SLC25A48: variants seen among roughly 807,000 people sequenced by gnomAD.
SLC25A48 encodes the protein solute carrier family 25 member 48.
Under a neutral mutation model 32.2 loss-of-function variants are expected in SLC25A48, and 29 were observed. The ratio of observed to expected loss-of-function variants is 0.90; its 90% CI spans 0.67 to 1.23. The LOEUF (loss-of-function observed/expected upper bound fraction) is 1.23, where lower values mean the gene tolerates loss of function less well. Among genes scored for constraint, SLC25A48 ranks in the 50% most tolerant of loss-of-function variants. SLC25A48 has a pLI of 0.00. For synonymous variants in SLC25A48, 164 were observed against 172.3 expected (o/e 0.95, Z 0.38); for missense variants, 399 against 422.7 (o/e 0.94, Z 0.49).
chr5:135,716,760 G>A (rs1260327247), intron 3 of SLC25A48, among the ~76,000 whole-genome samples: 3 of 152,198 alleles, frequency 2.0e-5, no homozygotes, highest in South Asian at 2.1e-4. Context: ...TACAAACATA[G>A]GATTTGGGTT....
At chr5:135,603,137 T>TCCAGC (rs1561753924) in intron 1 of SLC25A48, among the ~76,000 whole-genome samples, 1 of 152,190 alleles carries the variant, frequency 6.6e-6, no homozygotes, top group African/African-American at 2.4e-5. Context: ...CTCCCAAGCC[T>TCCAGC]CCAGCCCAGG....
chr5:135,751,199 T>G (rs1404654564), intron 3 of SLC25A48, among the ~76,000 whole-genome samples: 1 of 152,198 alleles, frequency 6.6e-6, no homozygotes. Context: ...TGACACTCCG[T>G]GCCTTCCAGC....
intron 4 of SLC25A48, among the ~76,000 whole-genome samples, chr5:135,869,838 CTG>C (rs1406558988): frequency 6.6e-6 from 1 of 152,158 alleles, no homozygotes; most frequent in African/African-American, 2.4e-5. Flanking sequence ...ATGGGATCCA[CTG>C]TGGAAGAAGT....
chr5:135,674,330 A>G (rs181646356), intron 3 of SLC25A48, among the ~76,000 whole-genome samples: 8 of 152,046 alleles, frequency 5.3e-5, no homozygotes, highest in African/African-American at 1.9e-4. Context: ...TATTTTGTTA[A>G]CTATAGTTAC....
chr5:135,684,878 A>G (rs1753981063), intron 3 of SLC25A48, among the ~76,000 whole-genome samples: 1 of 152,128 alleles, frequency 6.6e-6, no homozygotes, highest in Admixed American at 6.5e-5. Flanking sequence ...CTCTTTTGCA[A>G]TTATATCCTG....
intron 3 of SLC25A48, among the ~76,000 whole-genome samples, chr5:135,718,535 T>C (rs1034255059): frequency 6.6e-6 from 1 of 152,212 alleles, no homozygotes; most frequent in African/African-American, 2.4e-5. Flanking sequence ...ATGAGAATTA[T>C]AGAAGAATTT....
At chr5:135,736,614 T>G (rs1222391034) in intron 3 of SLC25A48, among the ~76,000 whole-genome samples, 1 of 151,876 alleles carries the variant, frequency 6.6e-6, no homozygotes, top group African/African-American at 2.4e-5. Context: ...GGGGGGTGCT[T>G]GCCCCCAGAA....
rs373931619 is a variant in SLC25A48 at position 135,613,577 on chromosome 5, T to C, written c.-848-15660T>C. ...AGTTTCAGGTCTATATTTAAGTCTTTACTTAATCTTGAGTTGATTTTTGTA... is the reference window on the plus strand; with the variant it reads ...AGTTTCAGGTCTATATTTAAGTCTTCACTTAATCTTGAGTTGATTTTTGTA... On this transcript the variant is annotated intron_variant, in intron 1 of 10. Transcript: ENST00000646290. Among the ~76,000 whole-genome samples the C allele has an allele frequency of 4.8e-4, 73 of 152,338 alleles. 1 individual carries two copies. Among genetic ancestry groups the C allele is most frequent in the Middle Eastern group, 6.8e-3 (2 of 294 alleles).
At chr5:135,716,532 C>T (rs1037983261) in intron 3 of SLC25A48, among the ~76,000 whole-genome samples, 2 of 152,174 alleles carry the variant, frequency 1.3e-5, no homozygotes, top group African/African-American at 4.8e-5. Flanking sequence ...CGGATCATTT[C>T]CTGCACCTTA....
At chr5:135,810,691 A>T (rs1404542914) in intron 3 of SLC25A48, among the ~76,000 whole-genome samples, 1 of 152,168 alleles carries the variant, frequency 6.6e-6, no homozygotes, top group Non-Finnish European at 1.5e-5. Context: ...TTTATATTGC[A>T]AGTCCCTGTG....
At chr5:135,650,780 G>T (rs748151089) in intron 3 of SLC25A48, among the ~76,000 whole-genome samples, 1 of 152,134 alleles carries the variant, frequency 6.6e-6, no homozygotes. Context: ...ATCTTTGTGC[G>T]TGTGTATGTG....
intron 3 of SLC25A48, among the ~76,000 whole-genome samples, chr5:135,772,212 TATCGCA>T: frequency 6.6e-6 from 1 of 151,650 alleles, no homozygotes; most frequent in African/African-American, 2.4e-5. Context: ...TTACTCCCAA[TATCGCA>T]GGGAGGTGTA....
In SLC25A48 at chr5:135,732,038, T is replaced by C. The variant is rs148801562; in HGVS notation, c.-520-80485T>C. ...AAGACTGGGGCCTAATAAAAAGGAG[T>C]GTCCATACAGGAGCTCAAATGGGCT... On this transcript the variant is annotated intron_variant, in intron 3 of 10. Transcript: ENST00000646290. Among the ~76,000 whole-genome samples, 1,492 of 152,266 alleles carry C rather than the reference T, an allele frequency of 9.8e-3. 3 individuals are homozygous for C. Among genetic ancestry groups the C allele is most frequent in the African/African-American group, 0.034 (1,402 of 41,538 alleles).
intron 4 of SLC25A48, among the ~76,000 whole-genome samples, chr5:135,860,951 G>T (rs1004504115): frequency 3.9e-5 from 6 of 152,196 alleles, no homozygotes; most frequent in African/African-American, 1.4e-4. Flanking sequence ...AGCTCAGGTG[G>T]TTGGGGGACT....
chr5:135,677,200 G>A (rs1000609539), intron 3 of SLC25A48, among the ~76,000 whole-genome samples: 1 of 151,790 alleles, frequency 6.6e-6, no homozygotes, highest in Non-Finnish European at 1.5e-5. Context: ...CCTTTATCAT[G>A]AACTTTTTCT....
intron 1 of SLC25A48, among the ~76,000 whole-genome samples, chr5:135,582,859 G>A (rs927874405): frequency 4.6e-5 from 7 of 152,164 alleles, no homozygotes; most frequent in African/African-American, 1.7e-4. Flanking sequence ...TCACCATCCA[G>A]TTCTAATCCC....
intron 1 of SLC25A48, among the ~76,000 whole-genome samples, chr5:135,590,048 T>A (rs1474352167): frequency 6.6e-6 from 1 of 152,188 alleles, no homozygotes; most frequent in Non-Finnish European, 1.5e-5. Flanking sequence ...ATTCCCAGAT[T>A]TGCTTTTTTG....
intron 4 of SLC25A48, among the ~76,000 whole-genome samples, chr5:135,871,196 C>T (rs77366629): frequency 6.7e-4 from 102 of 152,030 alleles, no homozygotes; most frequent in East Asian, 3.7e-3. Context: ...ACATTTGCTT[C>T]GAAAGAAGTA....
intron 3 of SLC25A48, among the ~76,000 whole-genome samples, chr5:135,668,894 T>C (rs1325790003): frequency 6.6e-6 from 1 of 152,198 alleles, no homozygotes. Context: ...GGAGGGGCTT[T>C]CTGGGAAAGG....
Sources: allele counts gnomAD v4.1 joint callset (sites outside exome capture counted in the v4.1 genomes callset), GRCh38; gene constraint gnomAD v4.1.1; transcripts MANE v1.5; gene names NCBI Gene and HGNC (gene_info 2026-07-23, HGNC 2026-07-21).